LRPPRC: variants seen among roughly 807,000 people sequenced by gnomAD.
LRPPRC encodes the protein leucine-rich PPR motif-containing protein, mitochondrial.
A neutral mutation model predicts 180.3 loss-of-function variants in LRPPRC; 120 were observed. That is an observed-to-expected ratio of 0.67 (90% CI 0.57 to 0.77). LRPPRC has a LOEUF of 0.77. Among genes scored for constraint, LRPPRC ranks in the 30% least tolerant of loss-of-function variants. The probability of loss-of-function intolerance (pLI) is 0.00; values close to 1 mark genes in which losing one functional copy is unlikely to be tolerated. For synonymous variants in LRPPRC, 723 were observed against 600.0 expected (o/e 1.21, Z -3.00); for missense variants, 2,012 against 1,657.2 (o/e 1.21, Z -3.72).
intron 1 of LRPPRC, among the ~76,000 whole-genome samples, chr2:43,988,352 C>T (rs888319466): frequency 2.0e-5 from 3 of 151,280 alleles, no homozygotes; most frequent in Admixed American, 6.6e-5. Context: ...GCCTAACCAA[C>T]ATGAAGAAAC....
chr2:43,982,473 T>A (rs1429451348), intron 1 of LRPPRC, 39 bp from the exon 2 acceptor site: 2 of 1,456,470 alleles, frequency 1.4e-6, no homozygotes, highest in East Asian at 2.3e-5. Context: ...TCAGTTGCTA[T>A]CTATTTAGGT....
Position 43,888,526 on chromosome 2 carries a change from C to T in LRPPRC, c.*74G>A. The T allele has an allele frequency of 3.1e-6, 3 of 954,140 alleles. No homozygotes were observed. The Admixed American group carries it at 5.3e-5, about 17-fold the overall frequency. The allele number at this position is 954,140 out of a possible 1,614,324, so 59.1% of individuals were successfully genotyped here. ...AAAGAAAATTTTCATTTATTTTTCC[C>T]TCAGATATACTTCAAAATAACATGT... On this transcript the variant is annotated 3_prime_UTR_variant, in exon 38 of 38. Coordinates refer to ENST00000260665, the MANE Select transcript of LRPPRC (RefSeq NM_133259.4).
intron 30 of LRPPRC, among the ~76,000 whole-genome samples, chr2:43,911,892 G>C (rs570004866): frequency 1.3e-5 from 2 of 152,216 alleles, no homozygotes; most frequent in Middle Eastern, 3.4e-3. Context: ...GATGTGTTCA[G>C]TACCTATGTT....
At chr2:43,989,705 A>T (rs1299282641) in intron 1 of LRPPRC, among the ~76,000 whole-genome samples, 1 of 152,250 alleles carries the variant, frequency 6.6e-6, no homozygotes, top group African/African-American at 2.4e-5. Flanking sequence ...AAACAGGAAA[A>T]TGACAAGATC....
Position 43,901,527 on chromosome 2 carries a change from A to G in LRPPRC, c.3365-3T>C, listed in dbSNP as rs1266393246. ...TGTTTTCAGTGTTGTCACAGCCTCT[A>G]AAATACAAGAGCAGGAGATGGCTTT... On this transcript the variant is annotated splice_polypyrimidine_tract_variant and splice_region_variant and intron_variant, in intron 31 of 37. Coordinates refer to ENST00000260665, the MANE Select transcript of LRPPRC (RefSeq NM_133259.4). 1 of 1,599,592 alleles carries G rather than the reference A, an allele frequency of 6.3e-7. No individual in the cohort carries two copies. The highest frequency in any genetic ancestry group is 1.3e-5 in the African/African-American group (1 of 74,822).
chr2:43,986,739 T>C (rs1038896105), intron 1 of LRPPRC, among the ~76,000 whole-genome samples: 2 of 152,118 alleles, frequency 1.3e-5, no homozygotes, highest in Non-Finnish European at 2.9e-5. Context: ...GAACTCAACG[T>C]GGCAAAAGGG....
At chr2:43,966,473 C>T (rs1009059813) in intron 11 of LRPPRC, among the ~76,000 whole-genome samples, 16 of 150,840 alleles carry the variant, frequency 1.1e-4, no homozygotes, top group African/African-American at 3.4e-4. Flanking sequence ...TGCAATGGTG[C>T]GATCTCAACT....
chr2:43,973,486 T>G, intron 11 of LRPPRC, 121 bp downstream of exon 11: 1 of 732,796 alleles, frequency 1.4e-6, no homozygotes, highest in South Asian at 1.5e-5. Flanking sequence ...TTAAAACAAT[T>G]CCATTATCTC....
chr2:43,916,431 T>G (rs533976847), intron 29 of LRPPRC, among the ~76,000 whole-genome samples: 9 of 152,084 alleles, frequency 5.9e-5, no homozygotes, highest in African/African-American at 1.2e-4. Context: ...TTCAGGAAAG[T>G]TTAATACTAG....
chr2:43,946,283 T>G lies in LRPPRC; in HGVS notation c.2080-40A>C, dbSNP rs7594526. 0.44 allele frequency: 679,150 copies of G among 1,542,998 alleles called. 159,368 individuals are homozygous for G. The highest frequency in any genetic ancestry group is 0.93 in the East Asian group (41,012 of 44,192). ...AGATGTGAAAAAGAAGAAATCAGTGTGAAGGTAAAAATGTCACATTTTTAG... is the reference window on the plus strand; with the variant it reads ...AGATGTGAAAAAGAAGAAATCAGTGGGAAGGTAAAAATGTCACATTTTTAG... On this transcript the variant is annotated intron_variant, in intron 20 of 37. Coordinates refer to ENST00000260665, the MANE Select transcript of LRPPRC (RefSeq NM_133259.4).
intron 37 of LRPPRC, among the ~76,000 whole-genome samples, 155 bp from the exon 38 acceptor site, chr2:43,888,811 A>G (rs775949984): frequency 2.0e-5 from 3 of 152,156 alleles, no homozygotes; most frequent in Non-Finnish European, 1.5e-5. Flanking sequence ...TCCTTGTTTC[A>G]TGAAATCACA....
chr2:43,907,550 G>C (rs1671104887), intron 30 of LRPPRC, among the ~76,000 whole-genome samples: 1 of 150,318 alleles, frequency 6.7e-6, no homozygotes, highest in African/African-American at 2.4e-5. Context: ...CTGTCCAATA[G>C]GGTTAGCCAC....
intron 12 of LRPPRC, among the ~76,000 whole-genome samples, chr2:43,962,101 TAAC>T: frequency 6.6e-6 from 1 of 152,204 alleles, no homozygotes; most frequent in Admixed American, 6.5e-5. Flanking sequence ...AGAATGAATG[TAAC>T]CAAATTTGGG....
intron 1 of LRPPRC, among the ~76,000 whole-genome samples, chr2:43,994,997 T>C (rs947895666): frequency 2.0e-5 from 3 of 152,172 alleles, no homozygotes; most frequent in African/African-American, 7.2e-5. Context: ...TCCCAGCACT[T>C]TGGGAGGCCG....
intron 16 of LRPPRC, among the ~76,000 whole-genome samples, chr2:43,949,183 T>C (rs920818906): frequency 3.3e-5 from 5 of 152,128 alleles, no homozygotes; most frequent in Non-Finnish European, 7.4e-5. Flanking sequence ...ATATGAAAAA[T>C]GAAAATCATT....
intron 36 of LRPPRC, 30 bp from the exon 37 acceptor site, chr2:43,889,906 G>A: frequency 6.5e-7 from 1 of 1,542,866 alleles, no homozygotes; most frequent in Non-Finnish European, 9.0e-7. Flanking sequence ...ATATTAATCA[G>A]AGATAAAGAC....
chr2:43,966,398 G>C (rs1398923381), intron 11 of LRPPRC, among the ~76,000 whole-genome samples: 1 of 149,290 alleles, frequency 6.7e-6, no homozygotes, highest in Non-Finnish European at 1.5e-5. Flanking sequence ...TTGATCTCAA[G>C]TGTTCTGGCC....
chr2:43,947,864 C>G (rs1672748631), intron 18 of LRPPRC, 89 bp from the exon 19 acceptor site: 1 of 832,970 alleles, frequency 1.2e-6, no homozygotes. Context: ...TAAGTCTCAC[C>G]TCATATTACT....
rs879209177 is a variant in LRPPRC, at chr2:43,934,576, A to C, written c.2629+178T>G. Among the ~76,000 whole-genome samples, 3 of 152,178 alleles carry C rather than the reference A, an allele frequency of 2.0e-5. No homozygotes were observed. The South Asian group carries it at 6.2e-4, about 32-fold the overall frequency. On this transcript the variant is annotated intron_variant, in intron 24 of 37. Transcript: ENST00000260665. ...TTTTTCAAAATGAACAGTTACTAAA[A>C]TCAAGAACATGTATAATATTGGAAA...
Sources: gnomAD v4.1 joint callset for allele counts (sites outside exome capture counted in the v4.1 genomes callset) on GRCh38, gnomAD v4.1.1 for gene constraint, MANE v1.5 for transcripts, NCBI Gene and HGNC (gene_info 2026-07-23, HGNC 2026-07-21) for gene names.